The following OR10J1 variants were observed in gnomAD, a reference collection of about 807,000 sequenced individuals.
The protein encoded by OR10J1 is olfactory receptor 10J1.
For missense variants in OR10J1, 474 were observed against 376.6 expected (o/e 1.26, Z -2.14); for synonymous variants, 202 against 143.8 (o/e 1.40, Z -2.89).
the OR10J1 span, among the ~76,000 whole-genome samples, chr1:159,419,001 C>T: frequency 6.6e-6 from 1 of 152,144 alleles, no homozygotes; most frequent in Non-Finnish European, 1.5e-5. Context: ...GCCAATTTAT[C>T]CTATTTAGAA....
the OR10J1 span, among the ~76,000 whole-genome samples, chr1:159,430,668 T>TGTGTGTGTGCGC: frequency 0.064 from 4,441 of 69,498 alleles, 142 homozygotes; most frequent in African/African-American, 0.093. Flanking sequence ...TGTGTGTGTG[T>TGTGTGTGTGCGC]GCGCGCGCGC....
the OR10J1 span, among the ~76,000 whole-genome samples, chr1:159,397,651 G>A: frequency 6.6e-6 from 1 of 152,130 alleles, no homozygotes; most frequent in Non-Finnish European, 1.5e-5. Context: ...GGCTATGGGG[G>A]TGAGATTCTT....
At chr1:159,422,130 C>T in the OR10J1 span, among the ~76,000 whole-genome samples, 1 of 152,100 alleles carries the variant, frequency 6.6e-6, no homozygotes, top group Non-Finnish European at 1.5e-5. Flanking sequence ...TGCTCAGGTG[C>T]CAAACACTGT....
the OR10J1 span, chr1:159,432,753 C>G: frequency 7.5e-6 from 3 of 401,320 alleles, no homozygotes; most frequent in Non-Finnish European, 1.3e-5. Flanking sequence ...TGATATCCGG[C>G]CCATAATGAA....
At chr1:159,399,318 T>A in the OR10J1 span, among the ~76,000 whole-genome samples, 2 of 152,030 alleles carry the variant, frequency 1.3e-5, no homozygotes, top group African/African-American at 4.8e-5. Flanking sequence ...ATGCCTGTAA[T>A]CCCAGCACTT....
chr1:159,430,865 C>T, the OR10J1 span, among the ~76,000 whole-genome samples: 40 of 152,202 alleles, frequency 2.6e-4, no homozygotes, highest in Admixed American at 3.9e-4. Flanking sequence ...ATGAAGTAGA[C>T]ATTATTATTC....
chr1:159,419,031 C>T, the OR10J1 span, among the ~76,000 whole-genome samples: 1 of 152,182 alleles, frequency 6.6e-6, no homozygotes, highest in Non-Finnish European at 1.5e-5. Context: ...TTACCCAATG[C>T]TTGCAACCCC....
chr1:159,429,875 C>T, the OR10J1 span, among the ~76,000 whole-genome samples: 1,574 of 152,166 alleles, frequency 0.01, 31 homozygotes, highest in Non-Finnish European at 0.01. Context: ...TTCTAGTCCT[C>T]CAGTTTGGAA....
chr1:159,411,523 G>C, the OR10J1 span, among the ~76,000 whole-genome samples: 5 of 151,634 alleles, frequency 3.3e-5, no homozygotes, highest in South Asian at 6.2e-4. Context: ...ATTGCAACCC[G>C]TGCCTTTTTT....
At chr1:159,428,500 A>T in the OR10J1 span, among the ~76,000 whole-genome samples, 2 of 152,166 alleles carry the variant, frequency 1.3e-5, no homozygotes, top group Non-Finnish European at 2.9e-5. Context: ...TACCAGGAGA[A>T]CTATAAAGAA....
the OR10J1 span, chr1:159,432,392 C>T: frequency 5.0e-6 from 2 of 403,280 alleles, no homozygotes; most frequent in Non-Finnish European, 8.8e-6. Context: ...TGTATTTCTT[C>T]CTGAGTGTGC....
chr1:159,423,881 T>C, the OR10J1 span, among the ~76,000 whole-genome samples: 1 of 152,172 alleles, frequency 6.6e-6, no homozygotes, highest in Admixed American at 6.5e-5. Context: ...GAACTTTCAA[T>C]TGGCTTATTA....
upstream of OR10J1, among the ~76,000 whole-genome samples, chr1:159,435,388 A>C (rs1655708204): frequency 6.6e-6 from 1 of 152,184 alleles, no homozygotes; most frequent in Non-Finnish European, 1.5e-5. Context: ...AAAAGCATCT[A>C]CAAGTATTTT....
Position 159,439,995 on chromosome 1 carries a change from T to G in OR10J1, c.204T>G (p.Thr68=). Residue 68 remains threonine, a synonymous_variant, in exon 1 of 1, where the codon ACT becomes ACG. Transcript: ENST00000423932. ...ACTTCTTCCTGAGCATGCTGTCCAC[T>G]TCAGAGACTGTATATACATTGGTCA... ...PMYFFLSMLS[T]SETVYTLVIL... is the part of the protein sequence containing the mutation. The G allele has an allele frequency of 6.2e-7, 1 of 1,614,174 alleles. No individual in the cohort carries two copies. Among genetic ancestry groups the G allele is most frequent in the East Asian group, 2.2e-5 (1 of 44,874 alleles).
the OR10J1 span, among the ~76,000 whole-genome samples, chr1:159,409,951 A>T: frequency 2.0e-5 from 3 of 152,094 alleles, no homozygotes; most frequent in Non-Finnish European, 2.9e-5. Context: ...ATCTATTGAG[A>T]TAATCATGTG....
chr1:159,400,753 A>G, the OR10J1 span, among the ~76,000 whole-genome samples: 2 of 151,926 alleles, frequency 1.3e-5, no homozygotes, highest in African/African-American at 4.8e-5. Flanking sequence ...CTTATTCTGC[A>G]CTATAGACCA....
the OR10J1 span, among the ~76,000 whole-genome samples, chr1:159,414,117 A>G: frequency 6.6e-6 from 1 of 152,044 alleles, no homozygotes; most frequent in African/African-American, 2.4e-5. Context: ...CCTCTCTTCT[A>G]GCTACTTTGA....
At chr1:159,399,667 A>G in the OR10J1 span, among the ~76,000 whole-genome samples, 1 of 152,052 alleles carries the variant, frequency 6.6e-6, no homozygotes, top group Non-Finnish European at 1.5e-5. Context: ...ATCACCTGAA[A>G]ATAGAAAATT....
At chr1:159,414,471 T>C in the OR10J1 span, among the ~76,000 whole-genome samples, 1 of 152,172 alleles carries the variant, frequency 6.6e-6, no homozygotes, top group African/African-American at 2.4e-5. Context: ...CATACCACAT[T>C]TACTTTGTAC....
Sources: allele counts gnomAD v4.1 joint callset (sites outside exome capture counted in the v4.1 genomes callset), GRCh38; gene constraint gnomAD v4.1.1; transcripts MANE v1.5; gene names NCBI Gene and HGNC (gene_info 2026-07-23, HGNC 2026-07-21).